OR6N1: variants seen among roughly 807,000 people sequenced by gnomAD.
OR6N1 encodes olfactory receptor family 6 subfamily N member 1.
For synonymous variants in OR6N1, 170 were observed against 150.7 expected (o/e 1.13, Z -0.94); for missense variants, 394 against 371.7 (o/e 1.06, Z -0.49).
chr1:158,821,482 C>T, the OR6N1 span, among the ~76,000 whole-genome samples: 1 of 152,212 alleles, frequency 6.6e-6, no homozygotes, highest in African/African-American at 2.4e-5. Context: ...CTTTTCTTCT[C>T]ACAACCCCAT....
upstream of OR6N1, chr1:158,776,737 G>C (rs960500786): frequency 8.7e-6 from 14 of 1,613,616 alleles, no homozygotes; most frequent in African/African-American, 4.0e-5. Context: ...CCTCTTGATA[G>C]CTTTAATGAT....
In OR6N1 at chr1:158,764,762, A is replaced by G. The variant is rs1454423805; in HGVS notation, c.*982T>C. 6.6e-6 allele frequency: 1 copy of G among 152,118 alleles called. No individual in the cohort carries two copies. The highest frequency in any genetic ancestry group is 1.5e-5 in the Non-Finnish European group (1 of 67,990). The allele number at this position is 152,118 out of a possible 1,614,324, so 9.4% of individuals were successfully genotyped here. On this transcript the variant is annotated 3_prime_UTR_variant, in exon 2 of 2. Coordinates refer to ENST00000641846, the MANE Select transcript of OR6N1 (RefSeq NM_001005185.2). ...ATAATTAGCTTACAATTCAATAAAGAAATGGTTCGATGTAAAAAGTAATCC... is the reference window on the plus strand; with the variant it reads ...ATAATTAGCTTACAATTCAATAAAGGAATGGTTCGATGTAAAAAGTAATCC...
At chr1:158,773,886 C>T (rs1221604845), upstream of OR6N1, among the ~76,000 whole-genome samples, 1 of 152,072 alleles carries the variant, frequency 6.6e-6, no homozygotes, top group African/African-American at 2.4e-5. Context: ...TAAATCTGTC[C>T]TTACCACTTT....
At chr1:158,801,947 T>C in the OR6N1 span, among the ~76,000 whole-genome samples, 1 of 152,118 alleles carries the variant, frequency 6.6e-6, no homozygotes, top group Non-Finnish European at 1.5e-5. Flanking sequence ...CCCAAGACAC[T>C]CCCCTACTTA....
the OR6N1 span, among the ~76,000 whole-genome samples, chr1:158,825,786 A>G: frequency 1.3e-5 from 2 of 152,206 alleles, no homozygotes; most frequent in South Asian, 2.1e-4. Context: ...TACATACCCA[A>G]AGGAATATAC....
At chr1:158,823,599 CTT>C in the OR6N1 span, among the ~76,000 whole-genome samples, 3 of 151,452 alleles carry the variant, frequency 2.0e-5, no homozygotes, top group African/African-American at 7.3e-5. Context: ...TCGTCTCTCT[CTT>C]TTTTTCTTTA....
the OR6N1 span, among the ~76,000 whole-genome samples, chr1:158,793,941 G>A: frequency 9.2e-5 from 14 of 152,124 alleles, 1 homozygote; most frequent in South Asian, 4.1e-4. Context: ...CCCAGCCATC[G>A]GAAAATTGAT....
chr1:158,813,810 C>T, the OR6N1 span, among the ~76,000 whole-genome samples: 1 of 150,058 alleles, frequency 6.7e-6, no homozygotes, highest in East Asian at 2.0e-4. Flanking sequence ...TCAAACCATC[C>T]TCCTATCTCA....
At chr1:158,826,864 T>C in the OR6N1 span, among the ~76,000 whole-genome samples, 1 of 152,036 alleles carries the variant, frequency 6.6e-6, no homozygotes, top group African/African-American at 2.4e-5. Context: ...TGTCAGTTGG[T>C]ATAGTAGGAC....
the OR6N1 span, among the ~76,000 whole-genome samples, chr1:158,789,507 C>T: frequency 6.6e-6 from 1 of 152,124 alleles, no homozygotes; most frequent in Non-Finnish European, 1.5e-5. Flanking sequence ...ATTTTACCCT[C>T]TCTTTTTTAT....
chr1:158,794,454 T>C, the OR6N1 span, among the ~76,000 whole-genome samples: 2 of 152,268 alleles, frequency 1.3e-5, no homozygotes, highest in African/African-American at 2.4e-5. Context: ...CTACTACGAA[T>C]CCTGCTGCTC....
chr1:158,793,466 T>G, the OR6N1 span, among the ~76,000 whole-genome samples: 1 of 152,302 alleles, frequency 6.6e-6, no homozygotes. Flanking sequence ...TATTTTCCCC[T>G]TTAGGATGTG....
the OR6N1 span, among the ~76,000 whole-genome samples, chr1:158,783,151 C>A: frequency 1.7e-4 from 26 of 152,196 alleles, no homozygotes; most frequent in African/African-American, 5.1e-4. Context: ...CTTGTTACTT[C>A]CCCCCTTGTC....
At chr1:158,812,612 T>C in the OR6N1 span, among the ~76,000 whole-genome samples, 1 of 152,200 alleles carries the variant, frequency 6.6e-6, no homozygotes, top group African/African-American at 2.4e-5. Context: ...CATAATATGA[T>C]TGCTAATATT....
chr1:158,779,569 A>G, the OR6N1 span, among the ~76,000 whole-genome samples: 1 of 152,236 alleles, frequency 6.6e-6, no homozygotes, highest in Non-Finnish European at 1.5e-5. Context: ...ATATTTTAGA[A>G]TACTAAATTC....
At chr1:158,789,428 A>C in the OR6N1 span, among the ~76,000 whole-genome samples, 1 of 152,140 alleles carries the variant, frequency 6.6e-6, no homozygotes, top group African/African-American at 2.4e-5. Flanking sequence ...CTGTTTTCCA[A>C]AGTGGCTGTA....
At chr1:158,775,471 T>C (rs549102361), upstream of OR6N1, 2 of 152,334 alleles carry the variant, frequency 1.3e-5, no homozygotes, top group Admixed American at 6.5e-5. Context: ...ATTCCGTTTA[T>C]AGCCTTATAA....
chr1:158,794,952 A>T, the OR6N1 span, among the ~76,000 whole-genome samples: 3 of 152,208 alleles, frequency 2.0e-5, no homozygotes, highest in South Asian at 6.2e-4. Flanking sequence ...GGTGTCCCAA[A>T]GCTCCCATGG....
the OR6N1 span, among the ~76,000 whole-genome samples, chr1:158,796,849 T>C: frequency 1.3e-5 from 2 of 152,032 alleles, no homozygotes; most frequent in African/African-American, 4.8e-5. Context: ...TTATTGGATA[T>C]GTTTGCTTAG....
Sources: gnomAD v4.1 joint callset for allele counts (sites outside exome capture counted in the v4.1 genomes callset) on GRCh38, gnomAD v4.1.1 for gene constraint, MANE v1.5 for transcripts, NCBI Gene and HGNC (gene_info 2026-07-23, HGNC 2026-07-21) for gene names.